The following ADD3 variants were observed in gnomAD, a reference collection of about 807,000 sequenced individuals.
The protein encoded by ADD3 is gamma-adducin.
ADD3 carries 25 observed loss-of-function variants against 80.2 expected under a neutral mutation model. The observed-to-expected ratio is 0.31, with a 90% CI of 0.23 to 0.44. The LOEUF is 0.44. ADD3 is among the 20% of genes least tolerant of loss of function. The pLI is 1.00. For synonymous variants in ADD3, 284 were observed against 289.6 expected (o/e 0.98, Z 0.20); for missense variants, 829 against 847.5 (o/e 0.98, Z 0.27).
intron 1 of ADD3, among the ~76,000 whole-genome samples, chr10:110,043,946 C>T (rs1361361853): frequency 6.6e-6 from 1 of 152,132 alleles, no homozygotes; most frequent in Non-Finnish European, 1.5e-5. Context: ...CGGTGGCTCA[C>T]GCCTGTAATC....
intron 1 of ADD3, among the ~76,000 whole-genome samples, chr10:110,022,474 T>C (rs1361856309): frequency 1.3e-5 from 2 of 152,166 alleles, no homozygotes; most frequent in Non-Finnish European, 2.9e-5. Flanking sequence ...TGAGGTATAA[T>C]TCACATACCA....
At chr10:110,108,816 C>T (rs1849669773) in intron 2 of ADD3, among the ~76,000 whole-genome samples, 1 of 152,062 alleles carries the variant, frequency 6.6e-6, no homozygotes, top group Admixed American at 6.5e-5. Flanking sequence ...AGAATTCTTA[C>T]CTGTTGAAGC....
chr10:110,036,168 A>G (rs1217755909), intron 1 of ADD3, among the ~76,000 whole-genome samples: 1 of 151,480 alleles, frequency 6.6e-6, no homozygotes, highest in Non-Finnish European at 1.5e-5. Context: ...CAAACAAAAA[A>G]CCTGTCATCT....
At chr10:110,058,598 G>A (rs1229052527) in intron 1 of ADD3, among the ~76,000 whole-genome samples, 2 of 152,118 alleles carry the variant, frequency 1.3e-5, no homozygotes, top group Non-Finnish European at 2.9e-5. Flanking sequence ...GGGTAAGCTG[G>A]GAAATCAAGA....
rs940211603 is a variant in ADD3, at chr10:110,101,144, C to A, written c.195+296C>A. On this transcript the variant is annotated intron_variant, in intron 2 of 14. Transcript: ENST00000356080. ...ACTGAATATGTAAAGAAAAGAAAGG[C>A]ATGACTCAAGTCATAGGAACCAATA... Among the ~76,000 whole-genome samples the A allele has an allele frequency of 3.3e-5, 5 of 152,270 alleles. No homozygotes were observed. In the East Asian group the frequency reaches 9.6e-4, roughly 29 times the overall value.
rs1344430361 is a variant in ADD3, at chr10:110,130,427, CAGA to C, written c.1676_1678del (p.Glu559del). The C allele has an allele frequency of 2.4e-5, 39 of 1,613,904 alleles. No homozygotes were observed. Among genetic ancestry groups the C allele is most frequent in the African/African-American group, 5.3e-5 (4 of 74,886 alleles). On this transcript the variant is annotated inframe_deletion, in exon 13 of 15. Coordinates refer to ENST00000356080, the MANE Select transcript of ADD3 (RefSeq NM_016824.5). ...CCTCCTAACCCATTTAGTCATCTCA[CAGA>C]AGGAGAACTTGAAGAGTATAAGAGG...
At chr10:110,117,734 G>A (rs927240095) in intron 5 of ADD3, among the ~76,000 whole-genome samples, 1 of 151,476 alleles carries the variant, frequency 6.6e-6, no homozygotes. Flanking sequence ...AAACACACAC[G>A]GCCAGGTGCA....
rs1366228844 is a variant in ADD3 at position 110,134,917 on chromosome 10, T to C, written c.*1299T>C. ...TGATTTTTACAGATTTAAAAAAATC[T>C]TTTCAGTGACCTTTCTTTTTAATGT... On this transcript the variant is annotated 3_prime_UTR_variant, in exon 15 of 15. Coordinates refer to ENST00000356080, the MANE Select transcript of ADD3 (RefSeq NM_016824.5). The C allele has an allele frequency of 6.6e-6, 1 of 152,572 alleles. No homozygotes were observed. Among genetic ancestry groups the C allele is most frequent in the Non-Finnish European group, 1.5e-5 (1 of 68,040 alleles). The allele number at this position is 152,572 out of a possible 1,614,324, so 9.5% of individuals were successfully genotyped here.
Position 110,100,842 on chromosome 10 carries a change from A to T in ADD3, c.189A>T (p.Gln63His). The change falls in exon 2 of 15, where the codon CAA becomes CAT. Residue 63 changes from glutamine (Q) to histidine (H), a missense_variant. Coordinates refer to ENST00000356080, the MANE Select transcript of ADD3 (RefSeq NM_016824.5). ...GGAAACGAGTTACTCAGATCCTGCAAAGTCCTGTGAGTTGAATTAGAAGGC... is the reference window on the plus strand; with the variant it reads ...GGAAACGAGTTACTCAGATCCTGCATAGTCCTGTGAGTTGAATTAGAAGGC... ...EQRKRVTQIL[Q>H]SPAFREDLEC... 6.3e-7 allele frequency: 1 copy of T among 1,596,668 alleles called. No homozygotes were observed. Among genetic ancestry groups the T allele is most frequent in the Admixed American group, 1.8e-5 (1 of 56,488 alleles).
upstream of ADD3, among the ~76,000 whole-genome samples, chr10:110,002,460 G>T (rs942358079): frequency 6.6e-6 from 1 of 151,940 alleles, no homozygotes; most frequent in Non-Finnish European, 1.5e-5. Context: ...ATTTTTAGTA[G>T]AGACGGGGTT....
At chr10:110,104,763 A>G (rs1485546173) in intron 2 of ADD3, among the ~76,000 whole-genome samples, 1 of 152,208 alleles carries the variant, frequency 6.6e-6, no homozygotes, top group Non-Finnish European at 1.5e-5. Context: ...TTTAATCCTC[A>G]AAGCAATTCA....
chr10:110,047,580 G>A (rs1334672386), intron 1 of ADD3, among the ~76,000 whole-genome samples: 1 of 152,150 alleles, frequency 6.6e-6, no homozygotes, highest in African/African-American at 2.4e-5. Context: ...ATGAAAATTT[G>A]TGCAGATACT....
At chr10:110,068,938 G>A (rs888308584) in intron 1 of ADD3, among the ~76,000 whole-genome samples, 6 of 151,958 alleles carry the variant, frequency 3.9e-5, no homozygotes, top group East Asian at 1.9e-4. Context: ...TTAGCTGGGC[G>A]TGGTCATGTG....
chr10:110,117,269 T>C, intron 4 of ADD3, 73 bp from the exon 5 acceptor site: 1 of 735,704 alleles, frequency 1.4e-6, no homozygotes, highest in Middle Eastern at 3.5e-4. Flanking sequence ...TCATTGTAAA[T>C]ATATTTGTAG....
At chr10:110,073,434 G>T (rs1201293140) in intron 1 of ADD3, among the ~76,000 whole-genome samples, 1 of 152,088 alleles carries the variant, frequency 6.6e-6, no homozygotes, top group Non-Finnish European at 1.5e-5. Flanking sequence ...GAGCCACCGT[G>T]CCCGGCCCTA....
chr10:110,054,566 G>A (rs938164856), intron 1 of ADD3, among the ~76,000 whole-genome samples: 3 of 150,586 alleles, frequency 2.0e-5, no homozygotes, highest in East Asian at 3.9e-4. Context: ...CTCAGCCTGC[G>A]GAGTAGCTGG....
chr10:110,128,685 G>A (rs1422768718), intron 12 of ADD3, among the ~76,000 whole-genome samples: 2 of 152,208 alleles, frequency 1.3e-5, no homozygotes, highest in East Asian at 3.8e-4. Flanking sequence ...CCAAAGTGCT[G>A]GGATTACAGG....
intron 1 of ADD3, among the ~76,000 whole-genome samples, chr10:110,077,294 CTTTT>C (rs932677824): frequency 6.7e-6 from 1 of 148,324 alleles, no homozygotes; most frequent in African/African-American, 2.5e-5. Flanking sequence ...CACTTGTCTG[CTTTT>C]TTTTTTCTTT....
chr10:110,007,740 G>C (rs1175110072), upstream of ADD3, among the ~76,000 whole-genome samples: 2 of 152,164 alleles, frequency 1.3e-5, no homozygotes, highest in African/African-American at 4.8e-5. Context: ...GGCTGCGGGG[G>C]CGGGACCAGG....
Sources: gnomAD v4.1 joint callset for allele counts (sites outside exome capture counted in the v4.1 genomes callset) on GRCh38, gnomAD v4.1.1 for gene constraint, MANE v1.5 for transcripts, NCBI Gene and HGNC (gene_info 2026-07-23, HGNC 2026-07-21) for gene names.